WDR17: variants seen among roughly 807,000 people sequenced by gnomAD.
WDR17 encodes the protein WD repeat-containing protein 17.
In WDR17, 143 loss-of-function variants were observed where a neutral mutation model predicts 161.7. That is an observed-to-expected ratio of 0.88 (90% CI 0.77 to 1.02). The LOEUF is 1.02. Ranked by LOEUF, WDR17 falls within the 50% of genes least tolerant of loss-of-function variation. WDR17 has a pLI of 0.00. For synonymous variants in WDR17, 517 were observed against 515.6 expected, an observed-to-expected ratio of 1.00 and a Z score of -0.04; for missense variants, 1,469 against 1,520.9, an observed-to-expected ratio of 0.97 and a Z score of 0.57.
chr4:176,101,128 C>G (rs1452974100), intron 1 of WDR17, among the ~76,000 whole-genome samples: 1 of 152,034 alleles, frequency 6.6e-6, no homozygotes, highest in African/African-American at 2.4e-5. Context: ...AAAACCTACC[C>G]TCAAGAGAAC....
intron 1 of WDR17, among the ~76,000 whole-genome samples, chr4:176,094,095 TTAC>T (rs1459998424): frequency 1.3e-5 from 2 of 152,154 alleles, no homozygotes; most frequent in African/African-American, 4.8e-5. Context: ...AAGTTTTATT[TTAC>T]TCTTAAAAAA....
chr4:176,175,714 C>T (rs1053828585), intron 26 of WDR17, among the ~76,000 whole-genome samples: 13 of 151,726 alleles, frequency 8.6e-5, no homozygotes, highest in South Asian at 2.1e-4. Flanking sequence ...CCCGCCACCA[C>T]GCCCGGCTAA....
chr4:176,141,087 G>A (rs80295533), intron 10 of WDR17, among the ~76,000 whole-genome samples: 1,750 of 152,120 alleles, frequency 0.012, 19 homozygotes, highest in Non-Finnish European at 0.018. Flanking sequence ...ATTAGTACAC[G>A]CTTTTTTTCT....
chr4:176,112,185 A>T (rs989616239), intron 2 of WDR17, among the ~76,000 whole-genome samples: 21 of 152,216 alleles, frequency 1.4e-4, no homozygotes, highest in African/African-American at 5.1e-4. Context: ...TCTCAGTGTC[A>T]CCAGCTAACC....
intron 1 of WDR17, among the ~76,000 whole-genome samples, chr4:176,084,299 A>G (rs60707406): frequency 0.048 from 7,286 of 152,220 alleles, 325 homozygotes; most frequent in African/African-American, 0.12. Flanking sequence ...GTGAAGGGGA[A>G]CTGGTGTGTG....
rs192738570 is a variant in WDR17, at chr4:176,157,137, C to A, written c.2525+994C>A. 2.2e-3 allele frequency among the ~76,000 whole-genome samples: 341 copies of A among 152,262 alleles called. 2 individuals are homozygous for A. The highest frequency in any genetic ancestry group is 7.9e-3 in the African/African-American group (328 of 41,562). The stretch of plus-strand genomic sequence containing the variant: ...TTTCAACCTACAATGTATCATTATT[C>A]TCTGTTCTATTTTATTCTACTCTCT... On this transcript the variant is annotated intron_variant, in intron 18 of 28. Transcript: ENST00000508596.
chr4:176,112,997 T>C (rs982482554), intron 2 of WDR17, among the ~76,000 whole-genome samples: 4 of 152,120 alleles, frequency 2.6e-5, no homozygotes, highest in Non-Finnish European at 4.4e-5. Flanking sequence ...TTTTCCACGA[T>C]ATAGAGTAAG....
Position 176,135,123 on chromosome 4 carries a change from A to T in WDR17, c.1114A>T (p.Ile372Phe). 1.9e-6 allele frequency: 3 copies of T among 1,612,092 alleles called. No individual in the cohort carries two copies. The highest frequency in any genetic ancestry group is 2.5e-6 in the Non-Finnish European group (3 of 1,178,504). Residue 372 changes from isoleucine (I) to phenylalanine (F), a missense_variant, in exon 8 of 29, where the codon ATC (isoleucine) becomes TTC (phenylalanine). By Grantham distance (21) the Ile-to-Phe change is conservative (BLOSUM62 0). Coordinates refer to ENST00000508596, the MANE Select transcript of WDR17 (RefSeq NM_181265.4). ...FLRDLGHVET[I>F]FDCKFKPDDP... is the part of the protein sequence containing the mutation. ...ATATTCCTAGGGACATGTGGAAACT[A>T]TCTTTGACTGCAAATTCAAACCTGA...
intron 1 of WDR17, among the ~76,000 whole-genome samples, chr4:176,074,736 C>T (rs190970331): frequency 9.9e-5 from 15 of 151,380 alleles, no homozygotes; most frequent in African/African-American, 1.9e-4. Flanking sequence ...ATTAAATACA[C>T]GAGCCCCTGT....
intron 1 of WDR17, among the ~76,000 whole-genome samples, chr4:176,094,467 A>G (rs891041003): frequency 6.6e-5 from 10 of 152,220 alleles, no homozygotes; most frequent in African/African-American, 2.2e-4. Flanking sequence ...AGAGACATTT[A>G]ATTTGAGTCT....
chr4:176,065,845 A>T lies in WDR17; in HGVS notation c.-241A>T, dbSNP rs997880306. 6.6e-6 allele frequency: 1 copy of T among 152,224 alleles called. No individual in the cohort carries two copies. The highest frequency in any genetic ancestry group is 6.5e-5 in the Admixed American group (1 of 15,284). 9.4% of individuals were successfully genotyped at this position (152,224 alleles called of 1,614,324 possible). A position where few individuals can be genotyped will look rare whatever the true frequency, so the allele number is the denominator to read the frequency against. ...TAGCTGTCACGTGGGCCTCTGGGGC[A>T]GACCCTGGAGATCGGGCTCGCGGCG... is the stretch of plus-strand genomic sequence containing the variant. On this transcript the variant is annotated 5_prime_UTR_variant, in exon 1 of 29. Transcript: ENST00000508596.
rs1325892237 is a variant in WDR17, at chr4:176,177,090, C to T, written c.3482C>T (p.Pro1161Leu). ...TTAAAACGTCGGGAGGTGTCAGTACCTTTAAAAATTGAATATCTTTCTGAG... is the reference window on the plus strand; with the variant it reads ...TTAAAACGTCGGGAGGTGTCAGTACTTTTAAAAATTGAATATCTTTCTGAG... ...QLLKRREVSV[P>L]LKIEYLSEEL... is the part of the protein sequence containing the mutation. Residue 1161 changes from proline to leucine, a missense_variant, in exon 27 of 29, where the codon CCT becomes CTT. Physicochemically the swap from Pro to Leu is moderately conservative, Grantham distance 98. Transcript: ENST00000508596. The T allele has an allele frequency of 1.9e-5, 30 of 1,613,744 alleles. No individual in the cohort carries two copies. Among genetic ancestry groups the T allele is most frequent in the Non-Finnish European group, 2.5e-5 (29 of 1,179,904 alleles).
In WDR17 at chr4:176,112,099, T is replaced by C. The variant is rs567703595; in HGVS notation, c.123+396T>C. ...ACAATTTATAGAGCCAAAAACCGCCTGAATTTCTTCATATAGAAGTGCCAT... is the reference window on the plus strand; with the variant it reads ...ACAATTTATAGAGCCAAAAACCGCCCGAATTTCTTCATATAGAAGTGCCAT... On this transcript the variant is annotated intron_variant, in intron 2 of 28. Transcript: ENST00000508596. Among the ~76,000 whole-genome samples the C allele has an allele frequency of 3.4e-3, 522 of 152,290 alleles. 1 individual carries two copies. The highest frequency in any genetic ancestry group is 6.1e-3 in the Non-Finnish European group (414 of 68,010).
chr4:176,145,950 A>G (rs2126801663), intron 11 of WDR17, 45 bp from the exon 12 acceptor site: 1 of 1,536,540 alleles, frequency 6.5e-7, no homozygotes, highest in South Asian at 1.2e-5. Flanking sequence ...TATTAGTTAT[A>G]TATCATATTT....
At chr4:176,145,318 A>T (rs1745989711) in intron 11 of WDR17, among the ~76,000 whole-genome samples, 1 of 152,212 alleles carries the variant, frequency 6.6e-6, no homozygotes, top group Non-Finnish European at 1.5e-5. Context: ...TGCTTAGCTT[A>T]TTCTCACTAT....
intron 10 of WDR17, among the ~76,000 whole-genome samples, chr4:176,140,269 C>G (rs1745045595): frequency 6.6e-6 from 1 of 151,958 alleles, no homozygotes; most frequent in Non-Finnish European, 1.5e-5. Flanking sequence ...ACTTTAAGGA[C>G]TTTTCACAGT....
In WDR17 at chr4:176,131,635, A is replaced by G. The variant is rs781620231; in HGVS notation, c.995A>G (p.Gln332Arg). 8 of 1,613,798 alleles carry G rather than the reference A, an allele frequency of 5.0e-6. No homozygotes were observed. Among genetic ancestry groups the G allele is most frequent in the Non-Finnish European group, 6.8e-6 (8 of 1,179,842 alleles). Residue 332 changes from glutamine (Q) to arginine (R), a missense_variant, in exon 7 of 29, where the codon CAA becomes CGA. Coordinates refer to ENST00000508596, the MANE Select transcript of WDR17 (RefSeq NM_181265.4). ...AVPPPTLTQN[Q>R]AFSLPPGHAV... ...CCACCCCCAACTTTAACACAGAATC[A>G]AGCATTTTCTCTTCCTCCTGGTCAT...
Position 176,066,049 on chromosome 4 carries a change from T to A in WDR17, c.-37T>A, listed in dbSNP as rs1227754031. 1 of 152,402 alleles carries A rather than the reference T, an allele frequency of 6.6e-6. No homozygotes were observed. The highest frequency in any genetic ancestry group is 1.5e-5 in the Non-Finnish European group (1 of 68,222). 9.4% of individuals were successfully genotyped at this position (152,402 alleles called of 1,614,324 possible). On this transcript the variant is annotated 5_prime_UTR_variant, in exon 1 of 29. Transcript: ENST00000508596. ...GCCCGCCGGCTTCAGCACCTTCCGCTGTCCGCCGCTGCAGCCGCCTCCTCC... is the reference window on the plus strand; with the variant it reads ...GCCCGCCGGCTTCAGCACCTTCCGCAGTCCGCCGCTGCAGCCGCCTCCTCC...
intron 1 of WDR17, among the ~76,000 whole-genome samples, chr4:176,071,713 T>A (rs560933076): frequency 6.6e-6 from 1 of 152,334 alleles, no homozygotes; most frequent in Admixed American, 6.5e-5. Flanking sequence ...ACTTCTTTGA[T>A]CAAATCAAAA....
Sources: allele counts gnomAD v4.1 joint callset (sites outside exome capture counted in the v4.1 genomes callset), GRCh38; gene constraint gnomAD v4.1.1; transcripts MANE v1.5; gene names NCBI Gene and HGNC (gene_info 2026-07-23, HGNC 2026-07-21).